Variants in VPS13B observed in about 807,000 individuals in gnomAD.
VPS13B encodes vacuolar protein sorting 13 homolog B.
VPS13B carries 285 observed loss-of-function variants against 426.4 expected under a neutral mutation model. That is an observed-to-expected ratio of 0.67 (90% CI 0.61 to 0.74). The LOEUF is 0.74. VPS13B is among the 30% of genes least tolerant of loss of function. The probability of loss-of-function intolerance (pLI) is 0.00; values close to 1 mark genes in which losing one functional copy is unlikely to be tolerated. For missense variants in VPS13B, 4,537 were observed against 4,782.6 expected (o/e 0.95, Z 1.51); for synonymous variants, 1,676 against 1,676.4 (o/e 1.00, Z 0.01).
At chr8:99,608,606 T>G (rs1440383747) in intron 33 of VPS13B, among the ~76,000 whole-genome samples, 2 of 152,154 alleles carry the variant, frequency 1.3e-5, no homozygotes, top group East Asian at 3.8e-4. Flanking sequence ...CACATTCAAT[T>G]TTATAATTTT....
chr8:99,014,410 G>T (rs1191281218), intron 2 of VPS13B, among the ~76,000 whole-genome samples: 3 of 151,902 alleles, frequency 2.0e-5, no homozygotes, highest in African/African-American at 7.2e-5. Context: ...GAGCCACCGC[G>T]CCCGGCCTGC....
intron 24 of VPS13B, among the ~76,000 whole-genome samples, chr8:99,475,470 AAC>A (rs1367971811): frequency 6.6e-6 from 1 of 152,238 alleles, no homozygotes. Flanking sequence ...TGTCCTAGCT[AAC>A]ACAAAAAATA....
At chr8:99,269,186 C>G (rs535587987) in intron 17 of VPS13B, among the ~76,000 whole-genome samples, 6 of 152,106 alleles carry the variant, frequency 3.9e-5, no homozygotes, top group Non-Finnish European at 7.3e-5. Context: ...TGGACTAATA[C>G]AGAGGAGGAA....
intron 17 of VPS13B, among the ~76,000 whole-genome samples, chr8:99,223,494 G>T (rs1412971524): frequency 2.0e-5 from 3 of 152,052 alleles, no homozygotes; most frequent in South Asian, 4.2e-4. Flanking sequence ...AGACATTAGC[G>T]AACAGAGAAG....
At chr8:99,210,479 G>T (rs1047951504) in intron 17 of VPS13B, among the ~76,000 whole-genome samples, 7 of 152,072 alleles carry the variant, frequency 4.6e-5, no homozygotes, top group Admixed American at 2.0e-4. Flanking sequence ...GTGTTTGTAT[G>T]TGAATACATT....
intron 19 of VPS13B, among the ~76,000 whole-genome samples, chr8:99,340,130 A>G (rs1054372415): frequency 6.6e-6 from 1 of 152,198 alleles, no homozygotes; most frequent in Admixed American, 6.5e-5. Flanking sequence ...TCCTAACAGA[A>G]TAACTATAGT....
chr8:99,254,867 T>C (rs533688700), intron 17 of VPS13B, among the ~76,000 whole-genome samples: 18 of 152,236 alleles, frequency 1.2e-4, no homozygotes, highest in African/African-American at 3.6e-4. Context: ...GGTCCCAAAC[T>C]TCTGACCTCA....
At chr8:99,092,322 T>TA (rs777545239) in intron 3 of VPS13B, among the ~76,000 whole-genome samples, 1 of 152,202 alleles carries the variant, frequency 6.6e-6, no homozygotes, top group Non-Finnish European at 1.5e-5. Context: ...GAAATATACT[T>TA]ACCAGACATT....
At chr8:99,603,995 G>T (rs1301098867) in intron 33 of VPS13B, among the ~76,000 whole-genome samples, 1 of 152,030 alleles carries the variant, frequency 6.6e-6, no homozygotes, top group Non-Finnish European at 1.5e-5. Flanking sequence ...ACAAATAATG[G>T]TGAAATATAA....
intron 3 of VPS13B, among the ~76,000 whole-genome samples, chr8:99,065,322 G>A (rs945324444): frequency 6.6e-6 from 1 of 152,186 alleles, no homozygotes; most frequent in African/African-American, 2.4e-5. Flanking sequence ...CCACGATCAA[G>A]TCGGCTTCAT....
intron 35 of VPS13B, chr8:99,697,468 C>A: frequency 1.4e-6 from 1 of 729,798 alleles, no homozygotes. Context: ...ACATCCTCAG[C>A]GATGCCTGCT....
intron 16 of VPS13B, 128 bp downstream of exon 16, chr8:99,170,291 T>C (rs989964460): frequency 2.7e-5 from 33 of 1,222,000 alleles, no homozygotes; most frequent in Non-Finnish European, 3.5e-5. Flanking sequence ...AATCTAAACT[T>C]GTACTTTTAC....
At chr8:99,870,621 G>A (rs1817347685) in intron 59 of VPS13B, among the ~76,000 whole-genome samples, 164 bp from the exon 60 acceptor site, 2 of 152,176 alleles carry the variant, frequency 1.3e-5, no homozygotes, top group African/African-American at 4.8e-5. Context: ...AAGGTTAAGA[G>A]CATTGTAATG....
chr8:99,310,230 G>T (rs1820878374), intron 19 of VPS13B, among the ~76,000 whole-genome samples: 1 of 152,204 alleles, frequency 6.6e-6, no homozygotes, highest in Non-Finnish European at 1.5e-5. Context: ...TTGAATAGGA[G>T]TGGTGAGAGA....
In VPS13B at chr8:99,806,390, C is replaced by T. The variant is rs148429773; in HGVS notation, c.7942-2985C>T. On this transcript the variant is annotated intron_variant, in intron 43 of 61. Transcript: ENST00000357162. Reference sequence around the variant, plus strand: ...TTGAAATCCTACCCAAACTCTGAGACCCAGCTGCTTCCCAATGTTTTCTTA... The same window carrying T: ...TTGAAATCCTACCCAAACTCTGAGATCCAGCTGCTTCCCAATGTTTTCTTA... Among the ~76,000 whole-genome samples the T allele has an allele frequency of 6.8e-3, 1,040 of 152,254 alleles. 10 individuals carry two copies. The highest frequency in any genetic ancestry group is 0.024 in the African/African-American group (1,006 of 41,554).
chr8:99,711,181 T>C (rs146827824), intron 36 of VPS13B, among the ~76,000 whole-genome samples: 1 of 152,270 alleles, frequency 6.6e-6, no homozygotes, highest in Non-Finnish European at 1.5e-5. Flanking sequence ...GTTCCCTCAT[T>C]GAGGAATGGA....
chr8:99,812,911 C>T lies in VPS13B; in HGVS notation c.8097+3381C>T, dbSNP rs560999435. Among the ~76,000 whole-genome samples the T allele has an allele frequency of 5.9e-5, 9 of 152,196 alleles. 1 individual carries two copies. Among genetic ancestry groups the T allele is most frequent in the African/African-American group, 2.2e-4 (9 of 41,520 alleles). On this transcript the variant is annotated intron_variant, in intron 44 of 61. Coordinates refer to ENST00000357162, the MANE Select transcript of VPS13B (RefSeq NM_152564.5). Reference sequence around the variant, plus strand: ...AAATCATATGTGGAAATCTTCAATACACATCTTTGTGGCTTTGGGGAAGGA... The same window carrying T: ...AAATCATATGTGGAAATCTTCAATATACATCTTTGTGGCTTTGGGGAAGGA...
At chr8:99,854,317 G>T in intron 56 of VPS13B, 61 bp downstream of exon 56, 1 of 1,557,790 alleles carries the variant, frequency 6.4e-7, no homozygotes. Flanking sequence ...GACACGCTTG[G>T]GGGTAGCACC....
intron 35 of VPS13B, among the ~76,000 whole-genome samples, chr8:99,683,586 A>G (rs1342674798): frequency 1.3e-5 from 2 of 152,116 alleles, no homozygotes; most frequent in Non-Finnish European, 1.5e-5. Flanking sequence ...TTAGATTTAT[A>G]CCTGTGTTCC....
Sources: gnomAD v4.1 joint callset for allele counts (sites outside exome capture counted in the v4.1 genomes callset) on GRCh38, gnomAD v4.1.1 for gene constraint, MANE v1.5 for transcripts, NCBI Gene and HGNC (gene_info 2026-07-23, HGNC 2026-07-21) for gene names.